Variants in ALPK1 observed in about 807,000 individuals in gnomAD.
The protein encoded by ALPK1 is alpha kinase 1.
Under a neutral mutation model 120.6 loss-of-function variants are expected in ALPK1, and 110 were observed. The ratio of observed to expected loss-of-function variants is 0.91; its 90% CI spans 0.78 to 1.07. ALPK1 has a LOEUF of 1.07. Ranked by LOEUF, ALPK1 falls within the 50% of genes least tolerant of loss-of-function variation. The pLI is 0.00. For synonymous variants in ALPK1, 582 were observed against 560.3 expected (o/e 1.04, Z -0.55); for missense variants, 1,498 against 1,483.9 (o/e 1.01, Z -0.16).
At chr4:112,308,203 G>A (rs1728207877) in intron 1 of ALPK1, among the ~76,000 whole-genome samples, 1 of 152,014 alleles carries the variant, frequency 6.6e-6, no homozygotes, top group South Asian at 2.1e-4. Flanking sequence ...TTTCAACTTT[G>A]GTGAATCTGA....
At chr4:112,382,169 A>T (rs1731943023) in intron 3 of ALPK1, among the ~76,000 whole-genome samples, 1 of 152,044 alleles carries the variant, frequency 6.6e-6, no homozygotes, top group African/African-American at 2.4e-5. Context: ...GACTACCCCA[A>T]TTTACCTGTA....
At chr4:112,320,682 T>C (rs1164413525) in intron 2 of ALPK1, among the ~76,000 whole-genome samples, 1 of 152,120 alleles carries the variant, frequency 6.6e-6, no homozygotes, top group Non-Finnish European at 1.5e-5. Context: ...ACTTTTTTTG[T>C]TGGTGGCTTT....
chr4:112,324,976 G>GA (rs890287208), intron 2 of ALPK1, among the ~76,000 whole-genome samples: 1 of 37,604 alleles, frequency 2.7e-5, no homozygotes, highest in African/African-American at 1.0e-4. Context: ...CAAAAAAAAG[G>GA]GGGGGGGGGG....
chr4:112,332,597 C>T (rs750276043), intron 2 of ALPK1, among the ~76,000 whole-genome samples: 17 of 152,212 alleles, frequency 1.1e-4, no homozygotes, highest in Admixed American at 6.5e-4. Context: ...TAGGTTATGA[C>T]ACAGTACAGT....
At chr4:112,404,729 A>C (rs977517493) in intron 4 of ALPK1, among the ~76,000 whole-genome samples, 2 of 152,184 alleles carry the variant, frequency 1.3e-5, no homozygotes, top group Non-Finnish European at 2.9e-5. Flanking sequence ...TGAATGCCAG[A>C]TTGTAAACTT....
chr4:112,378,188 T>C (rs897508493), intron 3 of ALPK1, among the ~76,000 whole-genome samples: 6 of 152,228 alleles, frequency 3.9e-5, no homozygotes, highest in African/African-American at 1.4e-4. Flanking sequence ...CCAAGTTGGC[T>C]GGTGCACGTA....
At chr4:112,430,045 A>C (rs1734466433) in intron 10 of ALPK1, among the ~76,000 whole-genome samples, 3 of 152,226 alleles carry the variant, frequency 2.0e-5, no homozygotes, top group Admixed American at 6.5e-5. Flanking sequence ...TTGTTTCGAC[A>C]TTAAATGAAT....
rs182759864 is a variant in ALPK1, at chr4:112,309,208, A to T, written c.-152-6593A>T. ...TACTTGGGGGTCAGGGACCCACTTGAGGAGGCAGTCTGTCTGTTCTCAGAT... is the reference window on the plus strand; with the variant it reads ...TACTTGGGGGTCAGGGACCCACTTGTGGAGGCAGTCTGTCTGTTCTCAGAT... On this transcript the variant is annotated intron_variant, in intron 1 of 15. Coordinates refer to ENST00000650871, the MANE Select transcript of ALPK1 (RefSeq NM_025144.4). Among the ~76,000 whole-genome samples the T allele has an allele frequency of 4.7e-3, 709 of 152,236 alleles. 5 individuals carry two copies. Among genetic ancestry groups the T allele is most frequent in the Middle Eastern group, 0.01 (3 of 294 alleles).
intron 1 of ALPK1, among the ~76,000 whole-genome samples, chr4:112,304,229 T>C (rs1727922848): frequency 6.6e-6 from 1 of 152,246 alleles, no homozygotes; most frequent in African/African-American, 2.4e-5. Flanking sequence ...TGTGTCTTTA[T>C]AGCAGCATGA....
At chr4:112,436,603 G>A (rs963046554) in intron 12 of ALPK1, among the ~76,000 whole-genome samples, 10 of 152,212 alleles carry the variant, frequency 6.6e-5, no homozygotes, top group Admixed American at 6.5e-4. Context: ...AGAATGCCAT[G>A]TGAAGATTGT....
intron 4 of ALPK1, among the ~76,000 whole-genome samples, chr4:112,404,576 G>C (rs1424763537): frequency 1.3e-5 from 2 of 152,178 alleles, no homozygotes; most frequent in African/African-American, 2.4e-5. Flanking sequence ...GTTAACATTT[G>C]ACTTAGATCA....
At chr4:112,437,504 T>C (rs1028326359) in intron 12 of ALPK1, among the ~76,000 whole-genome samples, 1 of 152,228 alleles carries the variant, frequency 6.6e-6, no homozygotes, top group Non-Finnish European at 1.5e-5. Flanking sequence ...CACTCTCTTG[T>C]GCACACCTCT....
intron 4 of ALPK1, among the ~76,000 whole-genome samples, chr4:112,402,718 A>G (rs1227867772): frequency 6.6e-6 from 1 of 152,212 alleles, no homozygotes; most frequent in Non-Finnish European, 1.5e-5. Context: ...TGTAAACATG[A>G]TCACATAACA....
chr4:112,392,911 G>T (rs1732486241), intron 4 of ALPK1, among the ~76,000 whole-genome samples: 1 of 152,188 alleles, frequency 6.6e-6, no homozygotes, highest in African/African-American at 2.4e-5. Flanking sequence ...AGGTCATGCT[G>T]CAGACAGATT....
intron 4 of ALPK1, among the ~76,000 whole-genome samples, chr4:112,400,463 G>A (rs894938058): frequency 1.3e-5 from 2 of 152,176 alleles, no homozygotes; most frequent in Admixed American, 1.3e-4. Flanking sequence ...AGGAATTTTG[G>A]TTGGAAAGAG....
At chr4:112,392,592 T>C (rs975339334) in intron 4 of ALPK1, among the ~76,000 whole-genome samples, 2 of 152,214 alleles carry the variant, frequency 1.3e-5, no homozygotes, top group African/African-American at 2.4e-5. Context: ...AGTGGTACAA[T>C]TTTGGCTGAC....
At chr4:112,412,098 C>T in intron 5 of ALPK1, 73 bp downstream of exon 5, 2 of 1,577,158 alleles carry the variant, frequency 1.3e-6, no homozygotes, top group Non-Finnish European at 1.7e-6. Context: ...AGCTACTTGA[C>T]CTCTGTGGGA....
At chr4:112,416,803 G>T (rs1389274054) in intron 5 of ALPK1, among the ~76,000 whole-genome samples, 1 of 150,624 alleles carries the variant, frequency 6.6e-6, no homozygotes, top group Non-Finnish European at 1.5e-5. Context: ...TTGAGACCAG[G>T]AGATTGAGGC....
chr4:112,349,955 A>G (rs1433562653), intron 2 of ALPK1, among the ~76,000 whole-genome samples: 1 of 151,926 alleles, frequency 6.6e-6, no homozygotes, highest in Admixed American at 6.6e-5. Flanking sequence ...TCACTATTAC[A>G]GTGTCCTAGT....
Sources: gnomAD v4.1 joint callset for allele counts (sites outside exome capture counted in the v4.1 genomes callset) on GRCh38, gnomAD v4.1.1 for gene constraint, MANE v1.5 for transcripts, NCBI Gene and HGNC (gene_info 2026-07-23, HGNC 2026-07-21) for gene names.